The following PSME4 variants were observed in gnomAD, a reference collection of about 807,000 sequenced individuals.
PSME4 encodes proteasome activator subunit 4.
PSME4 carries 89 observed loss-of-function variants against 253.9 expected under a neutral mutation model. That is an observed-to-expected ratio of 0.35 (90% CI 0.30 to 0.42). PSME4 has a LOEUF of 0.42. Ranked by LOEUF, PSME4 falls within the 10% of genes least tolerant of loss-of-function variation. The pLI is 1.00. For synonymous variants in PSME4, 851 were observed against 759.2 expected, an observed-to-expected ratio of 1.12 and a Z score of -1.99; for missense variants, 2,014 against 2,195.2, an observed-to-expected ratio of 0.92 and a Z score of 1.65.
At chr2:53,895,757 T>C in intron 32 of PSME4, 21 bp from the exon 33 acceptor site, 1 of 1,547,732 alleles carries the variant, frequency 6.5e-7, no homozygotes, top group Non-Finnish European at 8.7e-7. Context: ...GACAATCACA[T>C]TTGATGAATT....
chr2:53,944,234 T>A (rs963413234), intron 3 of PSME4, among the ~76,000 whole-genome samples: 2 of 152,122 alleles, frequency 1.3e-5, no homozygotes, highest in Non-Finnish European at 2.9e-5. Flanking sequence ...TCTTGGCTCA[T>A]TGCAGCCTCT....
Position 53,937,518 on chromosome 2 carries a change from C to T in PSME4, c.568G>A (p.Ala190Thr), listed in dbSNP as rs373248899. ...GGTCGCCATTCTTCTAGCATCTCAGCGGTGGCATCTGCTGGAAAATATCTA... is the reference window on the plus strand; with the variant it reads ...GGTCGCCATTCTTCTAGCATCTCAGTGGTGGCATCTGCTGGAAAATATCTA... ...CRPYFPADAT[A>T]EMLEEWRPLM... The change falls in exon 5 of 47, where the codon GCT becomes ACT. Residue 190 changes from alanine to threonine, a missense_variant. Around this residue, in one of 4 missense-constraint regions of PSME4, gnomAD observed 615 missense variants for 594.4 expected, o/e 1.03. Transcript: ENST00000404125. 2.6e-5 allele frequency: 42 copies of T among 1,610,022 alleles called. No homozygotes were observed. In the African/African-American group the frequency reaches 3.7e-4, roughly 14 times the overall value.
intron 2 of PSME4, 138 bp from the exon 3 acceptor site, chr2:53,948,675 T>C (rs1669835565): frequency 6.3e-6 from 4 of 632,378 alleles, no homozygotes; most frequent in South Asian, 6.1e-5. Flanking sequence ...GGCCACTCAC[T>C]AGCAGAACAT....
chr2:53,895,652 C>T lies in PSME4; in HGVS notation c.3773G>A (p.Arg1258Lys). 2 of 1,613,264 alleles carry T rather than the reference C, an allele frequency of 1.2e-6. No homozygotes were observed. The highest frequency in any genetic ancestry group is 1.3e-5 in the African/African-American group (1 of 74,966). The change falls in exon 33 of 47, where the codon AGA becomes AAA. Residue 1258 changes from arginine to lysine, a missense_variant. By Grantham distance (26) the Arg-to-Lys change is conservative. Coordinates refer to ENST00000404125, the MANE Select transcript of PSME4 (RefSeq NM_014614.3). The stretch of plus-strand genomic sequence containing the variant: ...ACTTGACTCCCATTCTTTTTTAGTT[C>T]TTGGTATAGTTTTGCTGTCATAATG... ...WLHYDSKTIPRTKKEWESSCF... is the reference protein window; with the variant it reads ...WLHYDSKTIPKTKKEWESSCF...
intron 6 of PSME4, among the ~76,000 whole-genome samples, 182 bp downstream of exon 6, chr2:53,936,582 T>C (rs1669126046): frequency 7.4e-6 from 1 of 135,692 alleles, no homozygotes; most frequent in Non-Finnish European, 1.6e-5. Flanking sequence ...TTTGTTAGAA[T>C]ACAACAAATA....
intron 20 of PSME4, chr2:53,917,340 A>G (rs916729154): frequency 6.5e-6 from 1 of 152,714 alleles, no homozygotes; most frequent in Non-Finnish European, 1.5e-5. Flanking sequence ...GATTATCATA[A>G]TATATTCTTT....
intron 1 of PSME4, among the ~76,000 whole-genome samples, chr2:53,956,524 G>A (rs536535233): frequency 2.0e-4 from 30 of 151,602 alleles, no homozygotes; most frequent in Non-Finnish European, 4.1e-4. Flanking sequence ...GAGCAAAACT[G>A]TCTCAAAAAA....
chr2:53,970,839 C>A lies in PSME4; in HGVS notation c.-55G>T, dbSNP rs1573404722. ...CCACCCGAACCCTCCCCGGCCCCCACCCCTCTCCGGGCTCCGCCTCCTCCG... is the reference window on the plus strand; with the variant it reads ...CCACCCGAACCCTCCCCGGCCCCCAACCCTCTCCGGGCTCCGCCTCCTCCG... On this transcript the variant is annotated 5_prime_UTR_variant, in exon 1 of 47. Transcript: ENST00000404125. 7.3e-7 allele frequency: 1 copy of A among 1,373,304 alleles called. No individual in the cohort carries two copies. Among genetic ancestry groups the A allele is most frequent in the Non-Finnish European group, 9.5e-7 (1 of 1,047,630 alleles). The allele number at this position is 1,373,304 out of a possible 1,614,324, so 85.1% of individuals were successfully genotyped here.
rs754027243 is a variant in PSME4, at chr2:53,934,630, G to T, written c.932C>A (p.Ala311Asp). The T allele has an allele frequency of 1.2e-6, 2 of 1,612,448 alleles. No homozygotes were observed. The highest frequency in any genetic ancestry group is 2.2e-5 in the South Asian group (2 of 90,878). The change falls in exon 8 of 47, where the codon GCT becomes GAT. Residue 311 changes from alanine to aspartate, a missense_variant. Coordinates refer to ENST00000404125, the MANE Select transcript of PSME4 (RefSeq NM_014614.3). ...CATCATGGCGGTGATCCATATTACA[G>T]CATGTCCTATATCATAAGCATTTGT... ...FLTNAYDIGH[A>D]VIWITAMMGG...
At chr2:53,911,915 C>G (rs1411810380) in intron 20 of PSME4, among the ~76,000 whole-genome samples, 1 of 152,046 alleles carries the variant, frequency 6.6e-6, no homozygotes, top group African/African-American at 2.4e-5. Flanking sequence ...GTCCTGACAC[C>G]AAATTTCTTA....
intron 43 of PSME4, among the ~76,000 whole-genome samples, chr2:53,872,467 C>G (rs932854025): frequency 2.6e-5 from 4 of 151,920 alleles, no homozygotes; most frequent in African/African-American, 9.7e-5. Context: ...TATGTTTAAA[C>G]CTCTATATGG....
chr2:53,875,626 C>A lies in PSME4; in HGVS notation c.4944+1G>T. 1 of 1,599,632 alleles carries A rather than the reference C, an allele frequency of 6.3e-7. No homozygotes were observed. Among genetic ancestry groups the A allele is most frequent in the Non-Finnish European group, 8.5e-7 (1 of 1,175,950 alleles). ...GACATAAATATTATAAACACTCTTACTTGTTTTAGCACCTGAAGTACCAAA... is the reference window on the plus strand; with the variant it reads ...GACATAAATATTATAAACACTCTTAATTGTTTTAGCACCTGAAGTACCAAA... On this transcript the variant is annotated splice_donor_variant, in intron 42 of 46. Coordinates refer to ENST00000404125, the MANE Select transcript of PSME4 (RefSeq NM_014614.3). LOFTEE classifies it high-confidence loss of function.
intron 20 of PSME4, among the ~76,000 whole-genome samples, chr2:53,913,365 G>T (rs1426627087): frequency 2.0e-5 from 3 of 152,162 alleles, no homozygotes; most frequent in African/African-American, 7.2e-5. Context: ...TAGGAAAGAA[G>T]GGATGCTGAA....
chr2:53,888,122 C>G (rs1205346674), intron 38 of PSME4, 133 bp from the exon 39 acceptor site: 12 of 846,138 alleles, frequency 1.4e-5, no homozygotes, highest in African/African-American at 7.1e-5. Context: ...ACAATATCCA[C>G]AACTCAAAAT....
intron 23 of PSME4, 38 bp from the exon 24 acceptor site, chr2:53,908,456 C>T: frequency 6.2e-7 from 1 of 1,612,266 alleles, no homozygotes; most frequent in Non-Finnish European, 8.5e-7. Context: ...TGCAAGTCAT[C>T]AATCCAAGCT....
In PSME4 at chr2:53,866,748, T is replaced by C. The variant is rs1487163577; in HGVS notation, c.5396A>G (p.Glu1799Gly). 1.2e-6 allele frequency: 2 copies of C among 1,612,416 alleles called. No individual in the cohort carries two copies. Among genetic ancestry groups the C allele is most frequent in the African/African-American group, 1.3e-5 (1 of 74,814 alleles). ...CAAACTAATAAGGAAGAACTGTACC[T>C]CAATAGGCTGAGGATCATTTAGATG... ...SAHLNDPQPI[E>G]MTVKKTLSNF... Residue 1799 changes from glutamate (E) to glycine (G), a missense_variant and splice_region_variant, in exon 45 of 47, where the codon GAG becomes GGG. By Grantham distance (98) the Glu-to-Gly change is moderately conservative. Transcript: ENST00000404125.
At chr2:53,882,543 A>G (rs1316658180) in intron 41 of PSME4, among the ~76,000 whole-genome samples, 2 of 152,096 alleles carry the variant, frequency 1.3e-5, no homozygotes, top group African/African-American at 4.8e-5. Context: ...TTTACTGATG[A>G]GAGGGATAAA....
At chr2:53,948,376 A>T (rs368588315) in intron 3 of PSME4, 45 bp downstream of exon 3, 39 of 1,263,538 alleles carry the variant, frequency 3.1e-5, no homozygotes, top group Non-Finnish European at 4.5e-5. Context: ...CCCCCTAAAA[A>T]ACCCCAAGTA....
chr2:53,933,291 T>C (rs1668935108), intron 8 of PSME4: 1 of 140,780 alleles, frequency 7.1e-6, no homozygotes, highest in Non-Finnish European at 1.5e-5. Flanking sequence ...GGCAGGAGAA[T>C]CACTTGAACC....
Sources: gnomAD v4.1 joint callset for allele counts (sites outside exome capture counted in the v4.1 genomes callset) on GRCh38, gnomAD v4.1.1 for gene constraint, gnomAD v4.1.1 regional missense constraint, MANE v1.5 for transcripts, NCBI Gene and HGNC (gene_info 2026-07-23, HGNC 2026-07-21) for gene names.